Variants in DGKI observed in about 807,000 individuals in gnomAD.
DGKI encodes diacylglycerol kinase iota.
In DGKI, 55 loss-of-function variants were observed where a neutral mutation model predicts 147.5. That is an observed-to-expected ratio of 0.37 (90% CI 0.30 to 0.47). The LOEUF (loss-of-function observed/expected upper bound fraction) is 0.47. Ranked by LOEUF, DGKI falls within the 20% of genes least tolerant of loss-of-function variation. The probability of loss-of-function intolerance (pLI) is 1.00; values close to 1 mark genes in which losing one functional copy is unlikely to be tolerated. For synonymous variants in DGKI, 469 were observed against 477.1 expected (o/e 0.98, Z 0.22); for missense variants, 1,007 against 1,323.8 (o/e 0.76, Z 3.71).
chr7:137,801,376 GGA>G lies in DGKI; in HGVS notation c.401+45084_401+45085del, dbSNP rs560377319. Among the ~76,000 whole-genome samples the G allele has an allele frequency of 1.5e-3, 222 of 152,278 alleles. 2 individuals are homozygous for G. The highest frequency in any genetic ancestry group is 5.1e-3 in the African/African-American group (213 of 41,564). ...TCAAAAGGAAGGAGCAAGGGGAAATGGATTTCATAAAACAACTGTGTCCTTTA... is the reference window on the plus strand; with the variant it reads ...TCAAAAGGAAGGAGCAAGGGGAAATGTTTCATAAAACAACTGTGTCCTTTA... On this transcript the variant is annotated intron_variant, in intron 1 of 32. Transcript: ENST00000614521.
At chr7:137,473,602 T>C (rs1329800944) in intron 23 of DGKI, among the ~76,000 whole-genome samples, 2 of 152,136 alleles carry the variant, frequency 1.3e-5, no homozygotes, top group Non-Finnish European at 2.9e-5. Flanking sequence ...AGAATAGGAA[T>C]CACCAATGCA....
chr7:137,647,004 A>T (rs1821848341), intron 5 of DGKI, among the ~76,000 whole-genome samples: 1 of 152,200 alleles, frequency 6.6e-6, no homozygotes, highest in Non-Finnish European at 1.5e-5. Flanking sequence ...AGATATAAAT[A>T]AGCACAATGG....
chr7:137,698,196 AT>A (rs911034488), intron 1 of DGKI, among the ~76,000 whole-genome samples: 13 of 152,020 alleles, frequency 8.6e-5, no homozygotes, highest in African/African-American at 3.1e-4. Flanking sequence ...ATAGATCCAT[AT>A]CCTGGAAAAT....
At chr7:137,433,500 G>C (rs555912097) in intron 28 of DGKI, among the ~76,000 whole-genome samples, 1 of 152,222 alleles carries the variant, frequency 6.6e-6, no homozygotes, top group South Asian at 2.1e-4. Flanking sequence ...AACAAATATA[G>C]TAACAATTAG....
rs1411665376 is a variant in DGKI at position 137,572,698 on chromosome 7, T to C, written c.1835+67A>G. On this transcript the variant is annotated intron_variant, in intron 18 of 32. Coordinates refer to ENST00000614521, the MANE Select transcript of DGKI (RefSeq NM_001321708.2). The stretch of plus-strand genomic sequence containing the variant: ...TTGTTTACATCTGAAACTTTTCTGT[T>C]ATGAAAACAGATAACCTCAAGTCAG... 3 of 1,122,304 alleles carry C rather than the reference T, an allele frequency of 2.7e-6. No individual in the cohort carries two copies. In the African/African-American group the frequency reaches 4.7e-5, roughly 18 times the overall value. 69.5% of individuals were successfully genotyped at this position (1,122,304 alleles called of 1,614,324 possible). A position where few individuals can be genotyped will look rare whatever the true frequency, so the allele number is the denominator to read the frequency against.
At chr7:137,420,301 A>G (rs1812516548) in intron 28 of DGKI, among the ~76,000 whole-genome samples, 1 of 152,228 alleles carries the variant, frequency 6.6e-6, no homozygotes. Context: ...ACAAGGAGAG[A>G]GAGCGTAGAT....
chr7:137,414,154 G>C (rs1303303335), intron 28 of DGKI, among the ~76,000 whole-genome samples: 1 of 152,126 alleles, frequency 6.6e-6, no homozygotes, highest in Non-Finnish European at 1.5e-5. Context: ...CTTTTATATT[G>C]AGTATGTATG....
In DGKI at chr7:137,559,165, G is replaced by A. The variant is rs367883830; in HGVS notation, c.1948-6597C>T. ...CGGCTCACTGCAAGCTCCGCCTCCC[G>A]GGTTCACGCCATTCTCCTGCCTCAG... is the stretch of plus-strand genomic sequence containing the variant. On this transcript the variant is annotated intron_variant, in intron 19 of 32. Transcript: ENST00000614521. 1.0e-2 allele frequency among the ~76,000 whole-genome samples: 1,278 copies of A among 127,810 alleles called. 18 individuals are homozygous for A. Among genetic ancestry groups the A allele is most frequent in the African/African-American group, 0.038 (1,235 of 32,788 alleles). The allele number at this position is 127,810 out of a possible 152,430, so 83.8% of individuals were successfully genotyped here. A position where few individuals can be genotyped will look rare whatever the true frequency, so the allele number is the denominator to read the frequency against.
chr7:137,737,597 T>C (rs1795060707), intron 1 of DGKI, among the ~76,000 whole-genome samples: 2 of 152,042 alleles, frequency 1.3e-5, no homozygotes, highest in Admixed American at 1.3e-4. Flanking sequence ...ACCTCTTACT[T>C]GAGCCCAAGG....
chr7:137,647,566 G>A (rs1311191209), intron 5 of DGKI, among the ~76,000 whole-genome samples: 1 of 152,170 alleles, frequency 6.6e-6, no homozygotes, highest in East Asian at 1.9e-4. Context: ...GGACAATTCT[G>A]GGTCCTGTGG....
intron 21 of DGKI, among the ~76,000 whole-genome samples, chr7:137,517,138 AAGATATT>A (rs1816771950): frequency 1.3e-5 from 2 of 151,396 alleles, no homozygotes; most frequent in Admixed American, 6.6e-5. Flanking sequence ...GCCAGATTGG[AAGATATT>A]CTACAGGAAG....
intron 1 of DGKI, among the ~76,000 whole-genome samples, chr7:137,807,145 G>A (rs1797402669): frequency 6.6e-6 from 1 of 152,170 alleles, no homozygotes; most frequent in African/African-American, 2.4e-5. Flanking sequence ...GTCTATCTGT[G>A]AAGACCCAAA....
At chr7:137,664,772 T>C (rs553677292) in intron 3 of DGKI, among the ~76,000 whole-genome samples, 4 of 152,290 alleles carry the variant, frequency 2.6e-5, no homozygotes, top group African/African-American at 9.6e-5. Context: ...ATAGAAATTA[T>C]ACTCTCCTGT....
chr7:137,662,259 T>C (rs886692650), intron 3 of DGKI, among the ~76,000 whole-genome samples: 36 of 148,206 alleles, frequency 2.4e-4, no homozygotes, highest in African/African-American at 7.7e-4. Context: ...TTTTTTTTTT[T>C]CGAGACAGAG....
chr7:137,704,458 T>C (rs367993026), intron 1 of DGKI, among the ~76,000 whole-genome samples: 45 of 152,142 alleles, frequency 3.0e-4, no homozygotes, highest in African/African-American at 1.1e-3. Context: ...ATTGTAATTG[T>C]TCAATTAGAG....
At chr7:137,708,549 A>G (rs2116551859) in intron 1 of DGKI, among the ~76,000 whole-genome samples, 1 of 152,354 alleles carries the variant, frequency 6.6e-6, no homozygotes. Context: ...CAATAAATAT[A>G]TTTAGCAAAA....
chr7:137,766,851 A>C (rs996162947), intron 1 of DGKI, among the ~76,000 whole-genome samples: 2 of 152,292 alleles, frequency 1.3e-5, no homozygotes, highest in African/African-American at 4.8e-5. Context: ...CTTGGCTCCC[A>C]CAACACCTGC....
intron 27 of DGKI, among the ~76,000 whole-genome samples, chr7:137,448,636 AG>A (rs1232662767): frequency 1.4e-4 from 1 of 6,902 alleles, no homozygotes; most frequent in African/African-American, 3.0e-4. Flanking sequence ...GGAGGGAGGA[AG>A]GGAAGGAGGA....
chr7:137,549,346 A>G (rs1275326117), intron 20 of DGKI, among the ~76,000 whole-genome samples: 1 of 152,230 alleles, frequency 6.6e-6, no homozygotes. Context: ...CAGAACCACA[A>G]GGAGCACTGG....
Sources: allele counts gnomAD v4.1 joint callset (sites outside exome capture counted in the v4.1 genomes callset), GRCh38; gene constraint gnomAD v4.1.1; transcripts MANE v1.5; gene names NCBI Gene and HGNC (gene_info 2026-07-23, HGNC 2026-07-21).